Variants in VPS53 observed in about 807,000 individuals in gnomAD.
VPS53 encodes vacuolar protein sorting-associated protein 53 homolog.
Under a neutral mutation model 107.0 loss-of-function variants are expected in VPS53, and 70 were observed. The observed-to-expected ratio is 0.65, with a 90% CI of 0.54 to 0.80. The LOEUF is 0.80. VPS53 is among the 30% of genes least tolerant of loss of function. The pLI is 0.00. For synonymous variants in VPS53, 409 were observed against 393.3 expected (o/e 1.04, Z -0.47); for missense variants, 917 against 1,049.4 (o/e 0.87, Z 1.74).
At chr17:626,836 T>C (rs955637969) in intron 10 of VPS53, among the ~76,000 whole-genome samples, 1 of 152,122 alleles carries the variant, frequency 6.6e-6, no homozygotes, top group African/African-American at 2.4e-5. Context: ...AAAATGATGA[T>C]GGGATATATA....
chr17:578,951 C>T (rs1197447720), intron 13 of VPS53, among the ~76,000 whole-genome samples: 1 of 150,480 alleles, frequency 6.6e-6, no homozygotes, highest in Non-Finnish European at 1.5e-5. Flanking sequence ...AAGGCGTTCC[C>T]AAAGATCCTC....
At chr17:590,569 T>A (rs1967590215) in intron 12 of VPS53, among the ~76,000 whole-genome samples, 1 of 152,290 alleles carries the variant, frequency 6.6e-6, no homozygotes, top group East Asian at 1.9e-4. Context: ...CCTAATTTAT[T>A]GAGAGTTTTT....
intron 9 of VPS53, among the ~76,000 whole-genome samples, chr17:627,676 G>A (rs1486203814): frequency 1.3e-5 from 2 of 151,976 alleles, no homozygotes; most frequent in African/African-American, 4.8e-5. Context: ...CTTGGGAGGG[G>A]GAGGCAGGAG....
At chr17:541,733 C>G (rs1910689949) in intron 17 of VPS53, among the ~76,000 whole-genome samples, 1 of 150,200 alleles carries the variant, frequency 6.7e-6, no homozygotes, top group Admixed American at 6.6e-5. Flanking sequence ...CAAGCACCGA[C>G]TACGCACTGA....
chr17:636,406 A>C (rs1970200008), intron 7 of VPS53, among the ~76,000 whole-genome samples: 1 of 152,130 alleles, frequency 6.6e-6, no homozygotes, highest in Non-Finnish European at 1.5e-5. Flanking sequence ...AATACCCTTT[A>C]TTTCTTTCTC....
intron 12 of VPS53, among the ~76,000 whole-genome samples, chr17:600,603 A>C (rs575550471): frequency 6.6e-6 from 1 of 152,330 alleles, no homozygotes; most frequent in Admixed American, 6.5e-5. Context: ...TTGTTCATTT[A>C]CTTCTATTCC....
chr17:518,618 A>C lies in VPS53; in HGVS notation c.*510T>G, dbSNP rs912287949. On this transcript the variant is annotated 3_prime_UTR_variant, in exon 22 of 22. Transcript: ENST00000437048. Reference sequence around the variant, plus strand: ...CAGGGTGGGAGTAAAGAAATGGAGGAAGGGGCTGGGCTCGGTGGCTCACGC... The same window carrying C: ...CAGGGTGGGAGTAAAGAAATGGAGGCAGGGGCTGGGCTCGGTGGCTCACGC... 1.3e-5 allele frequency: 2 copies of C among 151,308 alleles called. No homozygotes were observed. Among genetic ancestry groups the C allele is most frequent in the African/African-American group, 4.9e-5 (2 of 41,122 alleles). The allele number at this position is 151,308 out of a possible 1,614,324, so 9.4% of individuals were successfully genotyped here.
intron 13 of VPS53, among the ~76,000 whole-genome samples, chr17:566,142 T>C (rs746749511): frequency 6.3e-4 from 90 of 142,688 alleles, no homozygotes; most frequent in Middle Eastern, 3.8e-3. Context: ...AGGCGGAGCT[T>C]GCAGTGAGCC....
chr17:534,702 G>C (rs1211594727), intron 18 of VPS53, among the ~76,000 whole-genome samples: 1 of 152,156 alleles, frequency 6.6e-6, no homozygotes, highest in Admixed American at 6.5e-5. Flanking sequence ...TGGACTGCTT[G>C]AGCCCAGGAG....
chr17:709,265 G>C (rs1275399261), intron 2 of VPS53, among the ~76,000 whole-genome samples: 1 of 151,836 alleles, frequency 6.6e-6, no homozygotes, highest in Non-Finnish European at 1.5e-5. Context: ...CGGCCACCAT[G>C]TTTGATCATC....
chr17:711,265 G>A (rs1243630826), intron 1 of VPS53, among the ~76,000 whole-genome samples: 2 of 152,284 alleles, frequency 1.3e-5, no homozygotes, highest in South Asian at 2.1e-4. Context: ...TGAAGAACAC[G>A]CAACAAGGTG....
chr17:512,866 G>C lies in VPS53; in HGVS notation c.*6262C>G, dbSNP rs1908037643. The C allele has an allele frequency of 1.3e-5, 2 of 152,278 alleles. No individual in the cohort carries two copies. Among genetic ancestry groups the C allele is most frequent in the African/African-American group, 4.8e-5 (2 of 41,452 alleles). The allele number at this position is 152,278 out of a possible 1,614,324, so 9.4% of individuals were successfully genotyped here. A position where few individuals can be genotyped will look rare whatever the true frequency, so the allele number is the denominator to read the frequency against. On this transcript the variant is annotated 3_prime_UTR_variant, in exon 22 of 22. Transcript: ENST00000437048. ...CGTCCATCCAGCTACTAAGGAAACA[G>C]GATGGACTCATGCGTGCAGGAGAGA...
At chr17:686,895 C>T (rs573214243) in intron 4 of VPS53, among the ~76,000 whole-genome samples, 2 of 152,132 alleles carry the variant, frequency 1.3e-5, no homozygotes, top group Non-Finnish European at 2.9e-5. Flanking sequence ...GCCTGTAATC[C>T]CAGCACTTTA....
intron 10 of VPS53, 49 bp downstream of exon 10, chr17:627,125 A>G (rs1969745140): frequency 6.3e-7 from 1 of 1,581,686 alleles, no homozygotes; most frequent in African/African-American, 1.4e-5. Flanking sequence ...TGGGGAACCG[A>G]TGGTGAAAAT....
chr17:586,726 C>A (rs138586328), intron 12 of VPS53, among the ~76,000 whole-genome samples: 2,365 of 152,312 alleles, frequency 0.016, 24 homozygotes, highest in Middle Eastern at 0.031. Flanking sequence ...TTCACACAAT[C>A]CAATTTTTGA....
intron 4 of VPS53, among the ~76,000 whole-genome samples, chr17:662,839 A>AAAG (rs1464776447): frequency 1.9e-4 from 3 of 16,172 alleles, no homozygotes; most frequent in Admixed American, 6.7e-4. Flanking sequence ...GAAAGAAAGG[A>AAAG]AGGAAGGAAG....
At chr17:669,971 A>T (rs1334182296) in intron 4 of VPS53, among the ~76,000 whole-genome samples, 7 of 152,330 alleles carry the variant, frequency 4.6e-5, no homozygotes, top group African/African-American at 1.7e-4. Context: ...TATGTGGATT[A>T]AAAACAGAAC....
intron 11 of VPS53, among the ~76,000 whole-genome samples, chr17:605,807 G>A (rs1416357250): frequency 6.6e-6 from 1 of 151,890 alleles, no homozygotes; most frequent in African/African-American, 2.4e-5. Context: ...AAGGAAGATG[G>A]GGGCCTGGGG....
Position 519,197 on chromosome 17 carries a change from C to G in VPS53, c.2430G>C (p.Thr810=). The G allele has an allele frequency of 6.5e-7, 1 of 1,548,892 alleles. No homozygotes were observed. Among genetic ancestry groups the G allele is most frequent in the Non-Finnish European group, 8.7e-7 (1 of 1,146,146 alleles). ...ACGACTCTTGCTCTGGTGTTGGCGC[C>G]GTCAGGGACAGTGAGCCGGAGCTTT... ...GAESSGSLSL[T]APTPEQESSR... is the part of the protein sequence containing the mutation. Residue 810 remains threonine, a synonymous_variant, in exon 22 of 22, where the codon ACG becomes ACC. Transcript: ENST00000437048. This position sits in a 1 kb window ranked among gnomAD's most constrained non-coding sequence, Gnocchi z 5.0.
Sources: allele counts gnomAD v4.1 joint callset (sites outside exome capture counted in the v4.1 genomes callset), GRCh38; gene constraint gnomAD v4.1.1; non-coding constraint Gnocchi (gnomAD v3.1); transcripts MANE v1.5; gene names NCBI Gene and HGNC (gene_info 2026-07-23, HGNC 2026-07-21).